Variants in POT1 observed in about 807,000 individuals in gnomAD.
POT1 encodes the protein protection of telomeres protein 1.
A neutral mutation model predicts 78.5 loss-of-function variants in POT1; 47 were observed. That is an observed-to-expected ratio of 0.60 (90% CI 0.47 to 0.76). The LOEUF (loss-of-function observed/expected upper bound fraction) is 0.76. POT1 is among the 30% of genes least tolerant of loss of function. POT1 has a pLI of 0.00. For missense variants in POT1, 646 were observed against 749.9 expected, an observed-to-expected ratio of 0.86 and a Z score of 1.62; for synonymous variants, 259 against 260.7, an observed-to-expected ratio of 0.99 and a Z score of 0.06.
intron 12 of POT1, among the ~76,000 whole-genome samples, chr7:124,845,926 T>G (rs1795152192): frequency 6.6e-6 from 1 of 152,180 alleles, no homozygotes; most frequent in South Asian, 2.1e-4. Flanking sequence ...GTTTCATCAT[T>G]AACTGAGAAC....
At position 124,863,533 on chromosome 7, in the gene POT1, C is replaced by G. The variant is rs1473942617; in HGVS notation, c.363G>C (p.Lys121Asn). The part of the protein sequence containing the change: ...GAPIIPRTSS[K>N]YFNFTTEDHK... ...GGTCCTCAGTAGTGAAGTTAAAATACTTGCTTGAAGTGCGAGGTATGATAG... is the reference window on the plus strand; with the variant it reads ...GGTCCTCAGTAGTGAAGTTAAAATAGTTGCTTGAAGTGCGAGGTATGATAG... Residue 121 changes from lysine (K) to asparagine (N), a missense_variant, in exon 8 of 19, where the codon AAG becomes AAC. Coordinates refer to ENST00000357628, the MANE Select transcript of POT1 (RefSeq NM_015450.3). 6.2e-7 allele frequency: 1 copy of G among 1,613,944 alleles called. No individual in the cohort carries two copies. The highest frequency in any genetic ancestry group is 1.3e-5 in the African/African-American group (1 of 75,020).
At chr7:124,897,612 A>C (rs1026801720) in intron 4 of POT1, among the ~76,000 whole-genome samples, 13 of 151,900 alleles carry the variant, frequency 8.6e-5, no homozygotes, top group African/African-American at 2.9e-4. Context: ...TGTTTTCAGA[A>C]AGAAAAAAAT....
At chr7:124,881,397 A>C (rs1796115669) in intron 6 of POT1, among the ~76,000 whole-genome samples, 2 of 152,030 alleles carry the variant, frequency 1.3e-5, no homozygotes, top group Non-Finnish European at 2.9e-5. Flanking sequence ...TTTTAATTTA[A>C]ATAAGTACAT....
At position 124,859,014 on chromosome 7, in the gene POT1, A is replaced by G; in HGVS notation, c.645T>C (p.Asn215=). 1 of 1,611,178 alleles carries G rather than the reference A, an allele frequency of 6.2e-7. No homozygotes were observed. Among genetic ancestry groups the G allele is most frequent in the Non-Finnish European group, 8.5e-7 (1 of 1,177,998 alleles). ...CGTAGACTAAAATGTCTATTGTCAG[A>G]TTTTGTAGCCGATGGATGTGACTTA... ...GDLSHIHRLQ[N]LTIDILVYDN... The change falls in exon 9 of 19, where the codon AAT becomes AAC. Residue 215 remains asparagine, a synonymous_variant. Transcript: ENST00000357628.
intron 2 of POT1, among the ~76,000 whole-genome samples, chr7:124,924,156 C>CA (rs35845455): frequency 0.6 from 74,162 of 123,072 alleles, 21,041 homozygotes; most frequent in Non-Finnish European, 0.63. Flanking sequence ...AACAAAAATC[C>CA]AAAAAAAAAA....
rs544201070 is a variant in POT1, at chr7:124,892,351, G to A, written c.39C>T (p.Pro13=). 4 of 1,503,050 alleles carry A rather than the reference G, an allele frequency of 2.7e-6. No homozygotes were observed. The highest frequency in any genetic ancestry group is 5.3e-5 in the Admixed American group (2 of 37,922). The allele number at this position is 1,503,050 out of a possible 1,614,324, so 93.1% of individuals were successfully genotyped here. A position where few individuals can be genotyped will look rare whatever the true frequency, so the allele number is the denominator to read the frequency against. The change falls in exon 6 of 19, where the codon CCC becomes CCT. Residue 13 remains proline, a synonymous_variant. Transcript: ENST00000357628. ...TTGTACCACCCTTAAGTTGATTCAG[G>A]GGTGTATATATATAATTTGTTGCTG... ...LVPATNYIYT[P]LNQLKGGTIV...
chr7:124,832,045 A>G lies in POT1; in HGVS notation c.1506-2703T>C, dbSNP rs551950639. 2.7e-5 allele frequency among the ~76,000 whole-genome samples: 4 copies of G among 150,574 alleles called. No homozygotes were observed. In the South Asian group the frequency reaches 8.4e-4, roughly 32 times the overall value. ...AAAGTTTGGAGGCCAAGGTAGGCAG[A>G]TTGCTTGAACTCCAGAGTTCAAGAA... On this transcript the variant is annotated intron_variant, in intron 15 of 18. Coordinates refer to ENST00000357628, the MANE Select transcript of POT1 (RefSeq NM_015450.3).
chr7:124,863,140 C>T (rs2116540459), intron 8 of POT1, among the ~76,000 whole-genome samples: 1 of 151,976 alleles, frequency 6.6e-6, no homozygotes, highest in Non-Finnish European at 1.5e-5. Context: ...GATCTAATAA[C>T]ACTATATTTC....
intron 12 of POT1, among the ~76,000 whole-genome samples, chr7:124,845,602 A>C (rs998334334): frequency 6.6e-6 from 1 of 152,216 alleles, no homozygotes; most frequent in Admixed American, 6.5e-5. Context: ...GTATTTAACA[A>C]GAATATACTA....
chr7:124,843,276 G>C (rs1441112877), intron 12 of POT1: 1 of 181,278 alleles, frequency 5.5e-6, no homozygotes, highest in African/African-American at 2.3e-5. Flanking sequence ...TATTACGCTA[G>C]GCAACCGTTT....
intron 6 of POT1, among the ~76,000 whole-genome samples, chr7:124,883,115 C>T (rs775491238): frequency 1.7e-4 from 26 of 152,044 alleles, no homozygotes; most frequent in Non-Finnish European, 3.2e-4. Flanking sequence ...TGGGAAGAGT[C>T]TCCCCTCACT....
chr7:124,867,220 G>A (rs971636855), intron 7 of POT1, among the ~76,000 whole-genome samples: 1 of 152,120 alleles, frequency 6.6e-6, no homozygotes, highest in Admixed American at 6.5e-5. Flanking sequence ...CTCATTTCAT[G>A]TCTGTAAAAC....
chr7:124,838,888 A>G (rs1008265050), intron 14 of POT1, among the ~76,000 whole-genome samples: 1 of 152,196 alleles, frequency 6.6e-6, no homozygotes, highest in African/African-American at 2.4e-5. Flanking sequence ...TACCAGAGTG[A>G]GCCACTGCGC....
chr7:124,872,218 T>C (rs1795887993), intron 6 of POT1, among the ~76,000 whole-genome samples: 1 of 152,190 alleles, frequency 6.6e-6, no homozygotes, highest in Non-Finnish European at 1.5e-5. Flanking sequence ...ATTTTCTTTA[T>C]TCATCCATTA....
Position 124,824,060 on chromosome 7 carries a change from A to G in POT1, c.1807T>C (p.Leu603=), listed in dbSNP as rs375110259. ...PGIKIDAYPW[L]ECFIKSYNVT... is the part of the protein sequence containing the mutation. ...TTGTATGACTTGATGAAGCATTCCAACCACGGATATGCATCTACAAAAACA... is the reference window on the plus strand; with the variant it reads ...TTGTATGACTTGATGAAGCATTCCAGCCACGGATATGCATCTACAAAAACA... Residue 603 remains leucine, a synonymous_variant, in exon 19 of 19, where the codon TTG becomes CTG. Transcript: ENST00000357628. 24 of 1,599,560 alleles carry G rather than the reference A, an allele frequency of 1.5e-5. No homozygotes were observed. The highest frequency in any genetic ancestry group is 1.9e-5 in the Non-Finnish European group (22 of 1,170,068).
chr7:124,907,579 T>C (rs1199834339), intron 3 of POT1, among the ~76,000 whole-genome samples: 3 of 152,102 alleles, frequency 2.0e-5, no homozygotes, highest in African/African-American at 7.2e-5. Flanking sequence ...GGTACTATAA[T>C]GATAGATATA....
intron 6 of POT1, among the ~76,000 whole-genome samples, chr7:124,873,976 G>C (rs893101765): frequency 6.6e-6 from 1 of 152,154 alleles, no homozygotes; most frequent in African/African-American, 2.4e-5. Flanking sequence ...AAGTAGGGCT[G>C]AAATCAGGGG....
At chr7:124,900,754 G>A in intron 3 of POT1, 1 of 271,940 alleles carries the variant, frequency 3.7e-6, no homozygotes, top group East Asian at 1.0e-4. Context: ...CTAGCCAAGG[G>A]AAGCCATGAC....
intron 2 of POT1, among the ~76,000 whole-genome samples, chr7:124,925,123 G>T (rs1486968610): frequency 6.6e-6 from 1 of 151,864 alleles, no homozygotes; most frequent in Non-Finnish European, 1.5e-5. Flanking sequence ...GAACAATGAG[G>T]CAAGGGAAAA....
Sources: gnomAD v4.1 joint callset for allele counts (sites outside exome capture counted in the v4.1 genomes callset) on GRCh38, gnomAD v4.1.1 for gene constraint, MANE v1.5 for transcripts, NCBI Gene and HGNC (gene_info 2026-07-23, HGNC 2026-07-21) for gene names.